Variants in IGF1R observed in about 807,000 individuals in gnomAD.
The protein encoded by IGF1R is insulin-like growth factor 1 receptor.
In IGF1R, 44 loss-of-function variants were observed where a neutral mutation model predicts 144.6. That is an observed-to-expected ratio of 0.30 (90% CI 0.24 to 0.39). The LOEUF is 0.39. IGF1R is among the 10% of genes least tolerant of loss of function. The pLI is 1.00. For synonymous variants in IGF1R, 795 were observed against 722.8 expected (o/e 1.10, Z -1.60); for missense variants, 1,355 against 1,833.7 (o/e 0.74, Z 4.77).
intron 2 of IGF1R, among the ~76,000 whole-genome samples, chr15:98,741,660 C>G (rs957604955): frequency 6.6e-6 from 1 of 152,242 alleles, no homozygotes; most frequent in Non-Finnish European, 1.5e-5. Context: ...CGTCCTCCCG[C>G]ATTTCTTCTT....
intron 2 of IGF1R, among the ~76,000 whole-genome samples, chr15:98,888,176 C>T (rs570046799): frequency 2.6e-5 from 4 of 152,228 alleles, no homozygotes; most frequent in African/African-American, 4.8e-5. Context: ...CTTGCTGTGT[C>T]GTCCGTTCCC....
At position 98,702,039 on chromosome 15, in the gene IGF1R, T is replaced by TTG. The variant is rs983484950; in HGVS notation, c.95-5522_95-5521insGT. ...GGCTCATGGGAGTCACGCTGTTTTT[T>TTG]TTTTTTTTTTTTTTTCCTAGGACCT... On this transcript the variant is annotated intron_variant, in intron 1 of 20. Coordinates refer to ENST00000650285, the MANE Select transcript of IGF1R (RefSeq NM_000875.5). Among the ~76,000 whole-genome samples the TTG allele has an allele frequency of 9.4e-5, 14 of 148,468 alleles. No individual in the cohort carries two copies. In the South Asian group the frequency reaches 2.2e-3, roughly 24 times the overall value.
chr15:98,688,392 C>T (rs7182938), intron 1 of IGF1R, among the ~76,000 whole-genome samples: 12 of 140,124 alleles, frequency 8.6e-5, no homozygotes, highest in Non-Finnish European at 1.7e-4. Context: ...TTTCTCTCTT[C>T]GACTCACCAC....
chr15:98,826,254 C>G (rs1223761701), intron 2 of IGF1R, among the ~76,000 whole-genome samples: 1 of 152,166 alleles, frequency 6.6e-6, no homozygotes, highest in East Asian at 1.9e-4. Context: ...TATTTAAAAA[C>G]CAAACTAACG....
At chr15:98,822,781 T>G (rs1411158520) in intron 2 of IGF1R, among the ~76,000 whole-genome samples, 2 of 152,218 alleles carry the variant, frequency 1.3e-5, no homozygotes, top group Non-Finnish European at 2.9e-5. Flanking sequence ...TTGCTCCAGC[T>G]TTTGGTGGTC....
At chr15:98,872,588 C>T (rs1178886183) in intron 2 of IGF1R, among the ~76,000 whole-genome samples, 1 of 152,172 alleles carries the variant, frequency 6.6e-6, no homozygotes, top group Non-Finnish European at 1.5e-5. Context: ...CAGTATAGTT[C>T]CGTGGTTTGC....
intron 2 of IGF1R, among the ~76,000 whole-genome samples, chr15:98,839,480 C>G (rs2011139615): frequency 6.6e-6 from 1 of 152,200 alleles, no homozygotes; most frequent in Non-Finnish European, 1.5e-5. Context: ...CCTTGTGTGC[C>G]TCGGACACGA....
chr15:98,671,856 C>G (rs2052901120), intron 1 of IGF1R, among the ~76,000 whole-genome samples: 1 of 152,174 alleles, frequency 6.6e-6, no homozygotes, highest in Non-Finnish European at 1.5e-5. Flanking sequence ...TGAAAAACAG[C>G]TTTGTAAGTT....
chr15:98,760,459 A>G (rs1020486942), intron 2 of IGF1R, among the ~76,000 whole-genome samples: 3 of 152,380 alleles, frequency 2.0e-5, no homozygotes, highest in South Asian at 2.1e-4. Context: ...TAATAGCTCC[A>G]TAATGGTCTC....
chr15:98,950,165 T>C (rs1461555755), intron 20 of IGF1R, among the ~76,000 whole-genome samples: 1 of 152,202 alleles, frequency 6.6e-6, no homozygotes, highest in African/African-American at 2.4e-5. Context: ...TATGTCTGCA[T>C]GAAGGCACCC....
intron 2 of IGF1R, among the ~76,000 whole-genome samples, chr15:98,781,356 G>A (rs2055857561): frequency 6.6e-6 from 1 of 152,134 alleles, no homozygotes; most frequent in African/African-American, 2.4e-5. Context: ...GGGTGTAGAA[G>A]GGACTTGCCT....
intron 2 of IGF1R, among the ~76,000 whole-genome samples, chr15:98,758,819 G>A (rs1382679680): frequency 6.6e-6 from 1 of 152,178 alleles, no homozygotes; most frequent in East Asian, 1.9e-4. Flanking sequence ...AGGGAGGCAG[G>A]ACCAAGTATG....
chr15:98,837,563 CTA>C (rs1414013589), intron 2 of IGF1R, among the ~76,000 whole-genome samples: 1 of 151,950 alleles, frequency 6.6e-6, no homozygotes, highest in Non-Finnish European at 1.5e-5. Context: ...TAGAAACTCA[CTA>C]TGTTGCCCAG....
chr15:98,761,192 G>T (rs1294985806), intron 2 of IGF1R, among the ~76,000 whole-genome samples: 2 of 152,240 alleles, frequency 1.3e-5, no homozygotes, highest in African/African-American at 4.8e-5. Context: ...CAGGGGCACT[G>T]TGGAGCACCT....
At chr15:98,880,520 G>A (rs1326374396) in intron 2 of IGF1R, 1 of 152,202 alleles carries the variant, frequency 6.6e-6, no homozygotes, top group African/African-American at 2.4e-5. Flanking sequence ...GCCAAACCTT[G>A]TGGCATGCCT....
rs1299235756 is a variant in IGF1R at position 98,895,483 on chromosome 15, A to G, written c.954-1274A>G. On this transcript the variant is annotated intron_variant, in intron 3 of 20. Coordinates refer to ENST00000650285, the MANE Select transcript of IGF1R (RefSeq NM_000875.5). ...TAGAAACAACAGAAGGCCAAGTAAA[A>G]AAGTGCTGAAGGAAGCCTCTACCCA... 2.0e-5 allele frequency among the ~76,000 whole-genome samples: 3 copies of G among 152,286 alleles called. No individual in the cohort carries two copies. In the East Asian group the frequency reaches 5.8e-4, roughly 29 times the overall value.
chr15:98,873,478 G>GA (rs2012894918), intron 2 of IGF1R, among the ~76,000 whole-genome samples: 1 of 152,116 alleles, frequency 6.6e-6, no homozygotes, highest in South Asian at 2.1e-4. Context: ...TCTCTTCATC[G>GA]AAAAAACAAA....
rs531384996 is a variant in IGF1R at position 98,694,094 on chromosome 15, T to C, written c.95-13468T>C. 2.0e-5 allele frequency among the ~76,000 whole-genome samples: 3 copies of C among 152,372 alleles called. No homozygotes were observed. In the East Asian group the frequency reaches 5.8e-4, roughly 29 times the overall value. On this transcript the variant is annotated intron_variant, in intron 1 of 20. Coordinates refer to ENST00000650285, the MANE Select transcript of IGF1R (RefSeq NM_000875.5). ...TATCTGGTAGCAAGGAGCATTTACA[T>C]TGATCCCTATGCACTTAATTGGCAT...
intron 2 of IGF1R, among the ~76,000 whole-genome samples, chr15:98,760,664 A>G (rs745823763): frequency 6.6e-6 from 1 of 152,218 alleles, no homozygotes; most frequent in Non-Finnish European, 1.5e-5. Flanking sequence ...TGTCTCGGGC[A>G]GGAGAAGGAG....
Sources: gnomAD v4.1 joint callset for allele counts (sites outside exome capture counted in the v4.1 genomes callset) on GRCh38, gnomAD v4.1.1 for gene constraint, MANE v1.5 for transcripts, NCBI Gene and HGNC (gene_info 2026-07-23, HGNC 2026-07-21) for gene names.